The following DEFB104A variants were observed in gnomAD, a reference collection of about 807,000 sequenced individuals.
DEFB104A encodes beta-defensin 104.
intron 1 of DEFB104A, among the ~76,000 whole-genome samples, chr8:7,837,690 T>A (rs1209255162): frequency 7.0e-6 from 1 of 143,344 alleles, no homozygotes; most frequent in Non-Finnish European, 1.5e-5. Flanking sequence ...TCCCGAAGAA[T>A]GCACCGCAGA....
At chr8:7,838,335 A>C (rs1247686135) in intron 1 of DEFB104A, among the ~76,000 whole-genome samples, 6 of 135,728 alleles carry the variant, frequency 4.4e-5, no homozygotes, top group South Asian at 2.4e-4. Context: ...CTGCACCCCC[A>C]CAGGCCCCCC....
chr8:7,837,561 G>T (rs796300846), intron 1 of DEFB104A, among the ~76,000 whole-genome samples: 11 of 139,020 alleles, frequency 7.9e-5, no homozygotes, highest in Admixed American at 6.7e-4. Flanking sequence ...TTCTGCTATG[G>T]GCATGTTCCA....
At chr8:7,839,112 T>C (rs1817706937) in intron 1 of DEFB104A, among the ~76,000 whole-genome samples, 1 of 144,604 alleles carries the variant, frequency 6.9e-6, no homozygotes, top group South Asian at 2.2e-4. Context: ...TAAGTTGCTG[T>C]GTGACGTCAG....
Position 7,837,643 on chromosome 8 carries a change from C to A in DEFB104A, c.58+1101C>A, listed in dbSNP as rs1436868023. Reference sequence around the variant, plus strand: ...CAACCTTTGATCCCAAGACAAAGAACTTGGGATGGAAAGCCTGGGTCAGGG... The same window carrying A: ...CAACCTTTGATCCCAAGACAAAGAAATTGGGATGGAAAGCCTGGGTCAGGG... On this transcript the variant is annotated intron_variant, in intron 1 of 1. Transcript: ENST00000314265. Among the ~76,000 whole-genome samples the A allele has an allele frequency of 6.7e-4, 97 of 143,890 alleles. 5 individuals carry two copies. The highest frequency in any genetic ancestry group is 2.5e-3 in the African/African-American group (92 of 37,438). The allele number at this position is 143,890 out of a possible 152,430, so 94.4% of individuals were successfully genotyped here. A position where few individuals can be genotyped will look rare whatever the true frequency, so the allele number is the denominator to read the frequency against.
chr8:7,837,480 G>A (rs556280212), intron 1 of DEFB104A, among the ~76,000 whole-genome samples: 3 of 142,084 alleles, frequency 2.1e-5, no homozygotes, highest in African/African-American at 7.9e-5. Context: ...TTTTTTCAGA[G>A]GGTACCTGTT....
chr8:7,839,670 C>T (rs1423725686), intron 1 of DEFB104A, among the ~76,000 whole-genome samples: 4 of 111,014 alleles, frequency 3.6e-5, no homozygotes, highest in Admixed American at 1.1e-4. Flanking sequence ...AACCCTGGTG[C>T]GAGGATTAGC....
rs113501590 is a variant in DEFB104A, at chr8:7,839,266, G to T, written c.59-1768G>T. Reference sequence around the variant, plus strand: ...TTCTTCTCCCCTAACGCTAAGCTTCGTTTTCCCTGAGCAAGCATGCTGTCC... The same window carrying T: ...TTCTTCTCCCCTAACGCTAAGCTTCTTTTTCCCTGAGCAAGCATGCTGTCC... On this transcript the variant is annotated intron_variant, in intron 1 of 1. Coordinates refer to ENST00000314265, the MANE Select transcript of DEFB104A (RefSeq NM_080389.3). Among the ~76,000 whole-genome samples, 735 of 144,352 alleles carry T rather than the reference G, an allele frequency of 5.1e-3. 7 individuals are homozygous for T. Among genetic ancestry groups the T allele is most frequent in the African/African-American group, 0.017 (686 of 40,056 alleles). The allele number at this position is 144,352 out of a possible 152,430, so 94.7% of individuals were successfully genotyped here.
chr8:7,836,687 T>C, intron 1 of DEFB104A, 145 bp downstream of exon 1: 3 of 1,241,090 alleles, frequency 2.4e-6, no homozygotes, highest in Non-Finnish European at 3.4e-6. Flanking sequence ...TTTCATTGGG[T>C]CCATTAGTAA....
Position 7,836,741 on chromosome 8 carries a change from G to A in DEFB104A, c.58+199G>A, listed in dbSNP as rs1040259432. Among the ~76,000 whole-genome samples the A allele has an allele frequency of 2.7e-5, 4 of 146,130 alleles. 1 individual carries two copies. Among genetic ancestry groups the A allele is most frequent in the African/African-American group, 5.2e-5 (2 of 38,434 alleles). On this transcript the variant is annotated intron_variant, in intron 1 of 1. Coordinates refer to ENST00000314265, the MANE Select transcript of DEFB104A (RefSeq NM_080389.3). ...CCTTGTATGCACCTTACAGCCACGA[G>A]GCTTACTAGCTCAAGGAGGAAAAAA...
intron 1 of DEFB104A, among the ~76,000 whole-genome samples, chr8:7,838,366 T>A (rs1186146303): frequency 7.1e-6 from 1 of 140,326 alleles, no homozygotes; most frequent in Non-Finnish European, 1.5e-5. Flanking sequence ...CTTTGAATAG[T>A]CCCACCTTTC....
At chr8:7,839,488 C>T (rs1200963833) in intron 1 of DEFB104A, among the ~76,000 whole-genome samples, 3 of 119,946 alleles carry the variant, frequency 2.5e-5, no homozygotes, top group African/African-American at 8.1e-5. Flanking sequence ...ACAGTCTTTC[C>T]TCATCACCCG....
rs768180011 is a variant in DEFB104A, at chr8:7,841,131, CA to C, written c.158del (p.Asn53ThrfsTer7). ...SQEYRIGRCP[N>X]TYACCLRKWD... ...AAGAATACAGAATTGGAAGATGTCC[CA>C]ACACCTATGCATGCTGTTTGAGAAA... On this transcript the variant is annotated frameshift_variant, in exon 2 of 2. Transcript: ENST00000314265. LOFTEE classifies it high-confidence loss of function. The C allele has an allele frequency of 1.8e-4, 264 of 1,499,096 alleles. No individual in the cohort carries two copies. The highest frequency in any genetic ancestry group is 1.4e-3 in the South Asian group (122 of 86,906). 92.9% of individuals were successfully genotyped at this position (1,499,096 alleles called of 1,614,324 possible).
At chr8:7,839,117 C>T (rs551196402) in intron 1 of DEFB104A, among the ~76,000 whole-genome samples, 19 of 144,668 alleles carry the variant, frequency 1.3e-4, no homozygotes, top group East Asian at 9.9e-4. Context: ...TGCTGTGTGA[C>T]GTCAGATTAG....
At chr8:7,838,397 C>A (rs2128924699) in intron 1 of DEFB104A, among the ~76,000 whole-genome samples, 1 of 87,894 alleles carries the variant, frequency 1.1e-5, no homozygotes, top group Non-Finnish European at 2.4e-5. Flanking sequence ...CAATGTAAAT[C>A]AGCCAGGTGT....
chr8:7,839,097 A>T (rs1461808692), intron 1 of DEFB104A, among the ~76,000 whole-genome samples: 2 of 144,266 alleles, frequency 1.4e-5, no homozygotes, highest in African/African-American at 5.0e-5. Flanking sequence ...TCCAGCTTTG[A>T]CACATAAGTT....
At chr8:7,838,701 C>CAAAAAAA (rs577769531) in intron 1 of DEFB104A, among the ~76,000 whole-genome samples, 1 of 8,416 alleles carries the variant, frequency 1.2e-4, no homozygotes. Context: ...AAAAAACAAA[C>CAAAAAAA]AAAAAAAAAA....
At chr8:7,837,684 G>A (rs1312715126) in intron 1 of DEFB104A, among the ~76,000 whole-genome samples, 8 of 143,538 alleles carry the variant, frequency 5.6e-5, no homozygotes, top group Non-Finnish European at 1.1e-4. Flanking sequence ...TCCAGATCCC[G>A]AAGAATGCAC....
At chr8:7,838,645 A>T (rs1303649989) in intron 1 of DEFB104A, among the ~76,000 whole-genome samples, 1 of 145,758 alleles carries the variant, frequency 6.9e-6, no homozygotes, top group African/African-American at 2.5e-5. Flanking sequence ...GTGCCATTGC[A>T]CTCTACCCTA....
chr8:7,837,487 T>G (rs1817672791), intron 1 of DEFB104A, among the ~76,000 whole-genome samples: 1 of 142,034 alleles, frequency 7.0e-6, no homozygotes, highest in Non-Finnish European at 1.5e-5. Context: ...AGAGGGTACC[T>G]GTTTAGGTTA....
Sources: gnomAD v4.1 joint callset for allele counts (sites outside exome capture counted in the v4.1 genomes callset) on GRCh38, gnomAD v4.1.1 for gene constraint, MANE v1.5 for transcripts, NCBI Gene and HGNC (gene_info 2026-07-23, HGNC 2026-07-21) for gene names.